Variants in ANO10 observed in about 807,000 individuals in gnomAD.
ANO10 encodes the protein anoctamin 10.
A neutral mutation model predicts 74.7 loss-of-function variants in ANO10; 77 were observed. The ratio of observed to expected loss-of-function variants is 1.03; its 90% CI spans 0.86 to 1.25. The LOEUF (loss-of-function observed/expected upper bound fraction) is 1.25, where lower values mean the gene tolerates loss of function less well. ANO10 is among the 50% of genes most tolerant of loss of function. ANO10 has a pLI of 0.00. For missense variants in ANO10, 721 were observed against 778.1 expected (o/e 0.93, Z 0.87); for synonymous variants, 279 against 284.9 (o/e 0.98, Z 0.21).
At chr3:43,459,910 A>C (rs1214024366) in intron 11 of ANO10, among the ~76,000 whole-genome samples, 3 of 152,212 alleles carry the variant, frequency 2.0e-5, no homozygotes, top group Non-Finnish European at 4.4e-5. Context: ...CAAACCAGTA[A>C]ATGGCAGCAT....
intron 11 of ANO10, among the ~76,000 whole-genome samples, chr3:43,532,604 T>C (rs1160140993): frequency 6.6e-6 from 1 of 152,142 alleles, no homozygotes. Context: ...TGGTGTATTG[T>C]TTTATGAATT....
chr3:43,606,264 T>C (rs1271460211), intron 1 of ANO10, among the ~76,000 whole-genome samples: 2 of 152,140 alleles, frequency 1.3e-5, no homozygotes, highest in Non-Finnish European at 2.9e-5. Flanking sequence ...AAATTATATT[T>C]CCCTAGAAAA....
chr3:43,630,155 C>A (rs1043911665), intron 1 of ANO10, among the ~76,000 whole-genome samples: 3 of 152,080 alleles, frequency 2.0e-5, no homozygotes, highest in African/African-American at 7.2e-5. Context: ...TATGTTGATG[C>A]TAGATCAAGT....
rs61457264 is a variant in ANO10 at position 43,614,801 on chromosome 3, A to ATATATG, written c.-12+7107_-12+7108insCATATA. Reference sequence around the variant, plus strand: ...TATATATATATATATATATATATATATAGGTTCATTACAGTTTTTTATGGA... The same window carrying ATATATG: ...TATATATATATATATATATATATATATATATGTAGGTTCATTACAGTTTTTTATGGA... On this transcript the variant is annotated intron_variant, in intron 1 of 12. Coordinates refer to ENST00000292246, the MANE Select transcript of ANO10 (RefSeq NM_018075.5). 1.4e-3 allele frequency among the ~76,000 whole-genome samples: 142 copies of ATATATG among 99,330 alleles called. 9 individuals are homozygous for ATATATG. Among genetic ancestry groups the ATATATG allele is most frequent in the South Asian group, 8.1e-3 (20 of 2,476 alleles). 65.2% of individuals were successfully genotyped at this position (99,330 alleles called of 152,430 possible).
At chr3:43,594,827 G>A (rs543471342) in intron 4 of ANO10, among the ~76,000 whole-genome samples, 2 of 152,106 alleles carry the variant, frequency 1.3e-5, no homozygotes, top group South Asian at 2.1e-4. Flanking sequence ...TCCAGGAGCT[G>A]GTTTTTTGAA....
intron 11 of ANO10, among the ~76,000 whole-genome samples, chr3:43,455,802 T>G (rs1046689712): frequency 2.0e-5 from 3 of 152,088 alleles, no homozygotes; most frequent in African/African-American, 7.2e-5. Flanking sequence ...CCTTTTTTTT[T>G]TCCAACAGAT....
At chr3:43,498,210 C>T (rs1464993602) in intron 11 of ANO10, among the ~76,000 whole-genome samples, 1 of 152,208 alleles carries the variant, frequency 6.6e-6, no homozygotes, top group Non-Finnish European at 1.5e-5. Flanking sequence ...GGTTTGGCCA[C>T]TGACTGGCTG....
At position 43,470,545 on chromosome 3, in the gene ANO10, G is replaced by A. The variant is rs185789556; in HGVS notation, c.1798-37818C>T. 5.6e-3 allele frequency among the ~76,000 whole-genome samples: 853 copies of A among 151,916 alleles called. 7 individuals carry two copies. The highest frequency in any genetic ancestry group is 0.02 in the African/African-American group (810 of 41,492). On this transcript the variant is annotated intron_variant, in intron 11 of 12. Coordinates refer to ENST00000292246, the MANE Select transcript of ANO10 (RefSeq NM_018075.5). ...TTTTTAGTAGAGACGGGGTTTCACCGTGGTCTCGATCTCCTGACCTCATGA... is the reference window on the plus strand; with the variant it reads ...TTTTTAGTAGAGACGGGGTTTCACCATGGTCTCGATCTCCTGACCTCATGA...
rs1022023814 is a variant in ANO10, at chr3:43,614,616, A to G, written c.-12+7293T>C. Among the ~76,000 whole-genome samples the G allele has an allele frequency of 5.9e-5, 9 of 151,944 alleles. No homozygotes were observed. In the East Asian group the frequency reaches 1.6e-3, roughly 26 times the overall value. ...GTTTGGGGATAGGTGTAGAAAATCT[A>G]CCATTTTCACGCATTGCTGACAGAT... On this transcript the variant is annotated intron_variant, in intron 1 of 12. Coordinates refer to ENST00000292246, the MANE Select transcript of ANO10 (RefSeq NM_018075.5).
At chr3:43,663,373 T>C (rs1302784361) in intron 1 of ANO10, among the ~76,000 whole-genome samples, 1 of 152,118 alleles carries the variant, frequency 6.6e-6, no homozygotes, top group East Asian at 1.9e-4. Context: ...ATAAACTAGG[T>C]ATCAATGGAA....
At chr3:43,591,067 C>T (rs145605075) in intron 4 of ANO10, among the ~76,000 whole-genome samples, 1,929 of 152,276 alleles carry the variant, frequency 0.013, 42 homozygotes, top group African/African-American at 0.043. Flanking sequence ...GAGCAGGGAG[C>T]GGCAACCCCC....
chr3:43,387,800 T>C (rs993865279), intron 12 of ANO10, among the ~76,000 whole-genome samples: 4 of 152,098 alleles, frequency 2.6e-5, no homozygotes, highest in Non-Finnish European at 4.4e-5. Flanking sequence ...TTTCCTCTGA[T>C]GGTTTGGTGC....
chr3:43,551,594 TTTTGTCA>T (rs1294661766), intron 10 of ANO10: 1 of 456,658 alleles, frequency 2.2e-6, no homozygotes, highest in Non-Finnish European at 4.4e-6. Context: ...ATGATCTGCT[TTTTGTCA>T]ATATAGATTT....
At chr3:43,478,307 A>C (rs188883540) in intron 11 of ANO10, among the ~76,000 whole-genome samples, 194 of 152,298 alleles carry the variant, frequency 1.3e-3, no homozygotes, top group African/African-American at 4.4e-3. Flanking sequence ...AACCTAAAAA[A>C]CAGCAGCCAT....
At chr3:43,466,388 C>CAAAAAAAAAAAAAAAAA (rs1205923618) in intron 11 of ANO10, among the ~76,000 whole-genome samples, 1 of 87,448 alleles carries the variant, frequency 1.1e-5, no homozygotes, top group Non-Finnish European at 2.5e-5. Context: ...AAAAAAAAAA[C>CAAAAAAAAAAAAAAAAA]AAACAAAAAA....
intron 12 of ANO10, among the ~76,000 whole-genome samples, chr3:43,409,125 C>T (rs749884149): frequency 6.6e-6 from 1 of 152,206 alleles, no homozygotes; most frequent in Non-Finnish European, 1.5e-5. Context: ...TAACCATGAA[C>T]AGTACCTAAA....
intron 9 of ANO10, among the ~76,000 whole-genome samples, chr3:43,556,795 T>C (rs1011216659): frequency 1.3e-5 from 2 of 151,982 alleles, no homozygotes; most frequent in Non-Finnish European, 2.9e-5. Context: ...GATAAAAAAA[T>C]CAGAAATAAG....
intron 12 of ANO10, among the ~76,000 whole-genome samples, chr3:43,432,172 G>C (rs965847118): frequency 1.1e-4 from 16 of 148,826 alleles, no homozygotes; most frequent in Admixed American, 7.4e-4. Context: ...CTGAGGCACA[G>C]TTTCTCCTTT....
At chr3:43,687,987 T>C (rs2084296193) in intron 1 of ANO10, among the ~76,000 whole-genome samples, 2 of 152,112 alleles carry the variant, frequency 1.3e-5, no homozygotes, top group African/African-American at 2.4e-5. Flanking sequence ...GATGGCCAAT[T>C]CTAGCTTGGA....
Sources: allele counts gnomAD v4.1 joint callset (sites outside exome capture counted in the v4.1 genomes callset), GRCh38; gene constraint gnomAD v4.1.1; transcripts MANE v1.5; gene names NCBI Gene and HGNC (gene_info 2026-07-23, HGNC 2026-07-21).